Variants in CASK observed in about 807,000 individuals in gnomAD.
CASK encodes peripheral plasma membrane protein CASK.
Under a neutral mutation model 82.9 loss-of-function variants are expected in CASK, and 4 were observed. The observed-to-expected ratio is 0.05, with a 90% CI of 0.02 to 0.11. The LOEUF (loss-of-function observed/expected upper bound fraction) is 0.11. Ranked by LOEUF, CASK falls within the 10% of genes least tolerant of loss-of-function variation. CASK has a pLI of 1.00. For missense variants in CASK, 358 were observed against 720.9 expected (o/e 0.50, Z 5.76); for synonymous variants, 259 against 253.5 (o/e 1.02, Z -0.20).
At chrX:41,591,976 T>C (rs2065752469) in intron 12 of CASK, among the ~76,000 whole-genome samples, 1 of 110,462 alleles carries the variant, frequency 9.1e-6, no homozygotes, top group Admixed American at 9.7e-5. Flanking sequence ...CCCGGCTGGG[T>C]GCAGTGGCTC....
At chrX:41,863,399 C>A (rs1030462766) in intron 1 of CASK, among the ~76,000 whole-genome samples, 9 of 111,551 alleles carry the variant, frequency 8.1e-5, no homozygotes, top group African/African-American at 2.9e-4. Flanking sequence ...TGAATATATC[C>A]CCAAACCCCT....
chrX:41,812,074 C>A (rs1349637811), intron 2 of CASK, among the ~76,000 whole-genome samples: 28 of 111,125 alleles, frequency 2.5e-4, no homozygotes, highest in Non-Finnish European at 4.2e-4. Context: ...CAATAACAGG[C>A]TCTGAAATTG....
In CASK at chrX:41,517,461, T is replaced by G. The variant is rs1569278089; in HGVS notation, c.*2959A>C. ...TTTTTAGCATTAAAATGGGATATGC[T>G]GTATGTGCAAAGTAATTACTGTCTT... is the stretch of plus-strand genomic sequence containing the variant. On this transcript the variant is annotated 3_prime_UTR_variant, in exon 27 of 27. Coordinates refer to ENST00000378163, the MANE Select transcript of CASK (RefSeq NM_001367721.1). 4.7e-6 allele frequency: 1 copy of G among 211,592 alleles called. No homozygotes were observed. Among genetic ancestry groups the G allele is most frequent in the Non-Finnish European group, 8.6e-6 (1 of 116,521 alleles). 17.4% of individuals were successfully genotyped at this position (211,592 alleles called of 1,213,427 possible).
At position 41,727,704 on chromosome X, in the gene CASK, C is replaced by A. The variant is rs137964251; in HGVS notation, c.429+11680G>T. ...TAACATCATACTACTCTTTTGTAAG[C>A]CATCTGAGAAAAATAAGAACCTGTA... is the stretch of plus-strand genomic sequence containing the variant. On this transcript the variant is annotated intron_variant, in intron 5 of 26. Transcript: ENST00000378163. 340 of 1,196,788 alleles carry A rather than the reference C, an allele frequency of 2.8e-4. 1 individual carries two copies. In the East Asian group the frequency reaches 9.3e-3, roughly 33 times the overall value.
chrX:41,767,821 C>T (rs755220202), intron 3 of CASK, among the ~76,000 whole-genome samples: 1 of 111,188 alleles, frequency 9.0e-6, no homozygotes, highest in Admixed American at 9.6e-5. Flanking sequence ...GGATGATATA[C>T]GCAGGAATGA....
chrX:41,788,669 G>A (rs1475266568), intron 2 of CASK, among the ~76,000 whole-genome samples: 1 of 111,354 alleles, frequency 9.0e-6, no homozygotes, highest in African/African-American at 3.3e-5. Context: ...ACAAGGAAAG[G>A]AAGAATCAAT....
At chrX:41,665,207 T>C in intron 7 of CASK, 70 bp downstream of exon 7, 1 of 939,453 alleles carries the variant, frequency 1.1e-6, no homozygotes, top group Non-Finnish European at 1.5e-6. Context: ...AGACAGACAG[T>C]AACTTCAAAA....
intron 20 of CASK, among the ~76,000 whole-genome samples, 168 bp from the exon 21 acceptor site, chrX:41,554,083 A>G (rs2065132886): frequency 8.9e-6 from 1 of 112,529 alleles, no homozygotes; most frequent in Non-Finnish European, 1.9e-5. Flanking sequence ...CGCTAGAAAC[A>G]ATGTACTAGT....
intron 11 of CASK, among the ~76,000 whole-genome samples, chrX:41,611,616 CCTCTCCCT>C (rs2066046578): frequency 1.3e-5 from 1 of 76,169 alleles, no homozygotes; most frequent in East Asian, 3.4e-4. Context: ...TCTCCCTCTC[CCTCTCCCT>C]CTCTCTCTCC....
chrX:41,844,818 C>T (rs2071118800), intron 2 of CASK, among the ~76,000 whole-genome samples: 1 of 111,579 alleles, frequency 9.0e-6, no homozygotes, highest in Non-Finnish European at 1.9e-5. Flanking sequence ...TCAATATAGG[C>T]ATTTACAATA....
intron 15 of CASK, among the ~76,000 whole-genome samples, chrX:41,572,864 G>A (rs2065432746): frequency 9.0e-6 from 1 of 110,686 alleles, no homozygotes; most frequent in East Asian, 2.8e-4. Flanking sequence ...CTTATAGTGT[G>A]GGTCTGCTGA....
intron 1 of CASK, among the ~76,000 whole-genome samples, chrX:41,871,892 T>C (rs1398635943): frequency 8.9e-6 from 1 of 112,035 alleles, no homozygotes; most frequent in Non-Finnish European, 1.9e-5. Context: ...ATTTCTACTC[T>C]CCTTGAAAAC....
At chrX:41,702,588 G>T (rs1490559748) in intron 5 of CASK, among the ~76,000 whole-genome samples, 1 of 110,302 alleles carries the variant, frequency 9.1e-6, no homozygotes, top group Non-Finnish European at 1.9e-5. Context: ...GAGGTCAAGA[G>T]ATCGACACCA....
At chrX:41,779,046 T>G (rs2069420108) in intron 3 of CASK, among the ~76,000 whole-genome samples, 3 of 112,004 alleles carry the variant, frequency 2.7e-5, no homozygotes, top group Admixed American at 1.9e-4. Context: ...ATAAAAGGCT[T>G]GAAAGGCCTA....
At chrX:41,790,339 TTATAGGCATGAGCCAC>T (rs1358655632) in intron 2 of CASK, 1 of 243,795 alleles carries the variant, frequency 4.1e-6, no homozygotes, top group East Asian at 1.7e-4. Flanking sequence ...AGTGCTGGGA[TTATAGGCATGAGCCAC>T]TGTGCCCAGT....
intron 2 of CASK, among the ~76,000 whole-genome samples, chrX:41,817,493 G>A (rs5964054): frequency 4.8e-4 from 54 of 111,681 alleles, no homozygotes; most frequent in African/African-American, 1.6e-3. Context: ...ATCAGAGAGA[G>A]TCTACAAAAA....
At chrX:41,810,915 A>T (rs1398809020) in intron 2 of CASK, among the ~76,000 whole-genome samples, 1 of 111,686 alleles carries the variant, frequency 9.0e-6, no homozygotes, top group Admixed American at 9.5e-5. Context: ...AAACAAAAAA[A>T]GGCAGGGGTT....
intron 3 of CASK, among the ~76,000 whole-genome samples, chrX:41,772,907 A>G (rs912108905): frequency 4.0e-4 from 45 of 111,823 alleles, no homozygotes; most frequent in African/African-American, 1.4e-3. Context: ...AGGCTGAGGC[A>G]GGAGAATTGC....
intron 3 of CASK, among the ~76,000 whole-genome samples, chrX:41,750,664 T>C (rs895051543): frequency 1.8e-5 from 2 of 112,377 alleles, no homozygotes; most frequent in South Asian, 7.3e-4. Flanking sequence ...ATTTTTAAAA[T>C]TTATAATAAA....
Sources: gnomAD v4.1 joint callset for allele counts (sites outside exome capture counted in the v4.1 genomes callset) on GRCh38, gnomAD v4.1.1 for gene constraint, MANE v1.5 for transcripts, NCBI Gene and HGNC (gene_info 2026-07-23, HGNC 2026-07-21) for gene names.